MAN1C1: variants seen among roughly 807,000 people sequenced by gnomAD.
The protein encoded by MAN1C1 is mannosidase alpha class 1C member 1, also known as mannosyl-oligosaccharide 1,2-alpha-mannosidase IC.
Under a neutral mutation model 71.5 loss-of-function variants are expected in MAN1C1, and 49 were observed. The observed-to-expected ratio is 0.69, with a 90% CI of 0.54 to 0.87. MAN1C1 has a LOEUF of 0.87. MAN1C1 is among the 40% of genes least tolerant of loss of function. The pLI is 0.00. For synonymous variants in MAN1C1, 352 were observed against 343.7 expected (o/e 1.02, Z -0.27); for missense variants, 743 against 835.0 (o/e 0.89, Z 1.36).
chr1:25,747,226 G>A (rs2786877), intron 3 of MAN1C1, among the ~76,000 whole-genome samples: 12,380 of 152,256 alleles, frequency 0.081, 578 homozygotes, highest in African/African-American at 0.12. Flanking sequence ...TGAGATGGCC[G>A]GGTGGGGTGG....
At chr1:25,733,433 A>AT (rs2046937549) in intron 2 of MAN1C1, among the ~76,000 whole-genome samples, 1 of 150,630 alleles carries the variant, frequency 6.6e-6, no homozygotes, top group African/African-American at 2.4e-5. Flanking sequence ...TTATCTTGGG[A>AT]TTTTCAATGT....
chr1:25,625,029 G>C lies in MAN1C1; in HGVS notation c.540+6692G>C, dbSNP rs1572101757. 2.9e-5 allele frequency among the ~76,000 whole-genome samples: 3 copies of C among 102,902 alleles called. No individual in the cohort carries two copies. In the South Asian group the frequency reaches 1.0e-3, roughly 35 times the overall value. The allele number at this position is 102,902 out of a possible 152,430, so 67.5% of individuals were successfully genotyped here. A position where few individuals can be genotyped will look rare whatever the true frequency, so the allele number is the denominator to read the frequency against. ...TTTTTTTTTTTTTTTTTTTTGAGAT[G>C]GAGTCTTGCTCTGTCTTCCAGGCTG... On this transcript the variant is annotated intron_variant, in intron 1 of 11. Coordinates refer to ENST00000374332, the MANE Select transcript of MAN1C1 (RefSeq NM_020379.4).
In MAN1C1 at chr1:25,746,660, G is replaced by A; in HGVS notation, c.638-8G>A. 1 of 1,603,938 alleles carries A rather than the reference G, an allele frequency of 6.2e-7. No homozygotes were observed. The highest frequency in any genetic ancestry group is 1.1e-5 in the South Asian group (1 of 90,794). ...CTGGGTCACACCCTCAATGCTCTGT[G>A]CCTGCAGGAGGCCTCAGCGGGGCAA... On this transcript the variant is annotated splice_polypyrimidine_tract_variant and splice_region_variant and intron_variant, in intron 2 of 11. Transcript: ENST00000374332. The surrounding 1 kb of genome is among the most constrained non-coding windows in gnomAD (Gnocchi z 4.0).
chr1:25,635,342 CAA>C (rs1171256446), intron 1 of MAN1C1, among the ~76,000 whole-genome samples: 7 of 151,490 alleles, frequency 4.6e-5, no homozygotes, highest in Non-Finnish European at 8.8e-5. Context: ...GCATTTTTCT[CAA>C]TATGTATTTC....
intron 2 of MAN1C1, among the ~76,000 whole-genome samples, chr1:25,707,607 C>T (rs546816628): frequency 6.6e-6 from 1 of 152,252 alleles, no homozygotes; most frequent in Admixed American, 6.5e-5. Flanking sequence ...CATCAGGGTC[C>T]CTGGTACAAT....
chr1:25,756,308 A>G (rs2047284979), intron 5 of MAN1C1, among the ~76,000 whole-genome samples: 1 of 152,170 alleles, frequency 6.6e-6, no homozygotes, highest in African/African-American at 2.4e-5. Context: ...AGAAGCCACC[A>G]TTGGAAGCTG....
intron 1 of MAN1C1, among the ~76,000 whole-genome samples, chr1:25,664,116 G>A (rs537172296): frequency 1.2e-4 from 19 of 152,260 alleles, no homozygotes; most frequent in African/African-American, 4.6e-4. Context: ...CTGGGTAGAG[G>A]GGCCCAGTAT....
chr1:25,768,293 A>ACACACCC (rs1361337394), intron 7 of MAN1C1, among the ~76,000 whole-genome samples: 11 of 89,722 alleles, frequency 1.2e-4, no homozygotes, highest in South Asian at 4.6e-4. Context: ...CTCCCCTCAC[A>ACACACCC]CACACGCATT....
chr1:25,623,389 T>C (rs2045244819), intron 1 of MAN1C1, among the ~76,000 whole-genome samples: 1 of 151,930 alleles, frequency 6.6e-6, no homozygotes, highest in Non-Finnish European at 1.5e-5. Flanking sequence ...GTGTCAGGGC[T>C]AGAAACAAAT....
chr1:25,698,555 C>T (rs758547320), intron 2 of MAN1C1, among the ~76,000 whole-genome samples: 9 of 152,108 alleles, frequency 5.9e-5, no homozygotes, highest in South Asian at 2.1e-4. Context: ...AGGAGACAGA[C>T]GCATGAATCA....
At chr1:25,639,973 G>A (rs2045515251) in intron 1 of MAN1C1, among the ~76,000 whole-genome samples, 1 of 152,184 alleles carries the variant, frequency 6.6e-6, no homozygotes, top group African/African-American at 2.4e-5. Context: ...ATTATAACCT[G>A]TCAAATATTT....
chr1:25,674,397 G>C (rs980227145), intron 1 of MAN1C1, among the ~76,000 whole-genome samples: 1 of 152,198 alleles, frequency 6.6e-6, no homozygotes, highest in Non-Finnish European at 1.5e-5. Context: ...TACTCTCCTA[G>C]GTGCTAGGGA....
intron 2 of MAN1C1, among the ~76,000 whole-genome samples, chr1:25,691,440 A>G (rs1395352569): frequency 6.6e-6 from 1 of 152,236 alleles, no homozygotes; most frequent in African/African-American, 2.4e-5. Context: ...CAGTTTTCCC[A>G]TCTATAAAGT....
chr1:25,712,615 C>T (rs185358282), intron 2 of MAN1C1, among the ~76,000 whole-genome samples: 1 of 152,320 alleles, frequency 6.6e-6, no homozygotes, highest in East Asian at 1.9e-4. Flanking sequence ...TCTCCTTGAG[C>T]AGTAAATGCC....
chr1:25,626,781 A>ATATATGTAT (rs1374889526), intron 1 of MAN1C1, among the ~76,000 whole-genome samples: 1 of 152,152 alleles, frequency 6.6e-6, no homozygotes, highest in African/African-American at 2.4e-5. Flanking sequence ...TATATTCTAG[A>ATATATGTAT]TACAAGTTCT....
At chr1:25,754,388 C>T (rs888416394) in intron 5 of MAN1C1, among the ~76,000 whole-genome samples, 4 of 152,202 alleles carry the variant, frequency 2.6e-5, no homozygotes, top group African/African-American at 9.6e-5. Context: ...GAGGTTGCAC[C>T]TTCGTGTTGG....
At chr1:25,625,808 G>A (rs2045285255) in intron 1 of MAN1C1, among the ~76,000 whole-genome samples, 1 of 152,088 alleles carries the variant, frequency 6.6e-6, no homozygotes, top group Non-Finnish European at 1.5e-5. Flanking sequence ...GTGACAGAGG[G>A]AGACCCTGTC....
chr1:25,694,404 A>G (rs917214620), intron 2 of MAN1C1, among the ~76,000 whole-genome samples: 1 of 152,272 alleles, frequency 6.6e-6, no homozygotes, highest in East Asian at 1.9e-4. Context: ...CAAATCCCCA[A>G]TAGAACTGCC....
At chr1:25,659,753 ATGT>A (rs968162055) in intron 1 of MAN1C1, among the ~76,000 whole-genome samples, 7 of 152,176 alleles carry the variant, frequency 4.6e-5, no homozygotes, top group Non-Finnish European at 8.8e-5. Context: ...ATTTTCAGAA[ATGT>A]TGTGTGCCAA....
Sources: gnomAD v4.1 joint callset for allele counts (sites outside exome capture counted in the v4.1 genomes callset) on GRCh38, gnomAD v4.1.1 for gene constraint, Gnocchi (gnomAD v3.1) non-coding constraint, MANE v1.5 for transcripts, NCBI Gene and HGNC (gene_info 2026-07-23, HGNC 2026-07-21) for gene names.